The following PDE1A variants were observed in gnomAD, a reference collection of about 807,000 sequenced individuals.
PDE1A encodes phosphodiesterase 1A.
In PDE1A, 35 loss-of-function variants were observed where a neutral mutation model predicts 61.7. That is an observed-to-expected ratio of 0.57 (90% confidence interval 0.43 to 0.75). The LOEUF (loss-of-function observed/expected upper bound fraction) is 0.75, where lower values mean the gene tolerates loss of function less well. Among genes scored for constraint, PDE1A ranks in the 30% least tolerant of loss-of-function variants. The pLI is 0.00. For missense variants in PDE1A, 597 were observed against 630.6 expected, an observed-to-expected ratio of 0.95 and a Z score of 0.57; for synonymous variants, 232 against 213.2, an observed-to-expected ratio of 1.09 and a Z score of -0.77.
intron 7 of PDE1A, among the ~76,000 whole-genome samples, chr2:182,215,968 G>A (rs1688142695): frequency 8.6e-6 from 1 of 116,908 alleles, no homozygotes; most frequent in South Asian, 3.1e-4. Flanking sequence ...AACAAAAAAA[G>A]AGAATTTTAG....
At chr2:182,665,400 T>C in the PDE1A span, among the ~76,000 whole-genome samples, 1 of 152,154 alleles carries the variant, frequency 6.6e-6, no homozygotes, top group East Asian at 1.9e-4. Flanking sequence ...CATCAAAAAG[T>C]GGACAAAGGA....
chr2:182,358,148 G>A (rs1337599850), intron 1 of PDE1A, among the ~76,000 whole-genome samples: 3 of 152,120 alleles, frequency 2.0e-5, no homozygotes, highest in African/African-American at 4.8e-5. Flanking sequence ...GGACGAATCC[G>A]ATGATACCAC....
At chr2:182,221,704 C>T (rs1226559114) in intron 7 of PDE1A, among the ~76,000 whole-genome samples, 1 of 151,984 alleles carries the variant, frequency 6.6e-6, no homozygotes. Flanking sequence ...AAGCCCACCC[C>T]ATTTCAGGCT....
the PDE1A span, among the ~76,000 whole-genome samples, chr2:182,585,315 T>C: frequency 6.6e-6 from 1 of 152,176 alleles, no homozygotes; most frequent in Non-Finnish European, 1.5e-5. Context: ...TTTTATGAAG[T>C]GTATTTTGGG....
chr2:182,357,424 T>C (rs931423200), intron 1 of PDE1A, among the ~76,000 whole-genome samples: 2 of 152,060 alleles, frequency 1.3e-5, no homozygotes, highest in Non-Finnish European at 2.9e-5. Flanking sequence ...GTCTTCCTAA[T>C]GTATAGGGAA....
chr2:182,238,540 A>C (rs901748122), intron 3 of PDE1A, among the ~76,000 whole-genome samples: 2 of 152,168 alleles, frequency 1.3e-5, no homozygotes, highest in Admixed American at 1.3e-4. Flanking sequence ...GAAGCGTTTA[A>C]AGGAAGAAGC....
chr2:182,636,256 C>A, the PDE1A span, among the ~76,000 whole-genome samples: 1 of 152,082 alleles, frequency 6.6e-6, no homozygotes. Context: ...TTGAGCCCGG[C>A]CTCACCTGTA....
At chr2:182,373,285 G>A (rs1410734110) in intron 1 of PDE1A, among the ~76,000 whole-genome samples, 1 of 152,180 alleles carries the variant, frequency 6.6e-6, no homozygotes, top group Non-Finnish European at 1.5e-5. Flanking sequence ...GTACTGTCAG[G>A]AGAACAACTT....
intron 1 of PDE1A, among the ~76,000 whole-genome samples, chr2:182,284,099 C>T (rs833140): frequency 0.73 from 110,540 of 151,912 alleles, 40,960 homozygotes; most frequent in African/African-American, 0.88. Context: ...AAGAATCAGT[C>T]TGGGAGAACA....
At chr2:182,270,244 G>A (rs1441730594) in intron 1 of PDE1A, among the ~76,000 whole-genome samples, 1 of 152,168 alleles carries the variant, frequency 6.6e-6, no homozygotes, top group African/African-American at 2.4e-5. Context: ...AGCAATTGCA[G>A]AAGACACATA....
the PDE1A span, among the ~76,000 whole-genome samples, chr2:182,685,811 A>G: frequency 6.6e-6 from 1 of 152,286 alleles, no homozygotes; most frequent in Admixed American, 6.5e-5. Context: ...TCCCCATCTT[A>G]TGTGTCCAAT....
At chr2:182,402,062 TAGAA>T (rs1274316744) in intron 1 of PDE1A, among the ~76,000 whole-genome samples, 1 of 152,138 alleles carries the variant, frequency 6.6e-6, no homozygotes, top group Non-Finnish European at 1.5e-5. Context: ...TGCTCATGAA[TAGAA>T]AGAATCAATA....
chr2:182,453,475 G>A (rs1018269917), intron 2 of PDE1A, among the ~76,000 whole-genome samples: 3 of 151,298 alleles, frequency 2.0e-5, no homozygotes, highest in Non-Finnish European at 4.4e-5. Flanking sequence ...TTTAACAGAC[G>A]AATTTGCAAT....
At chr2:182,645,276 G>GCCCAGC in the PDE1A span, among the ~76,000 whole-genome samples, 5 of 151,580 alleles carry the variant, frequency 3.3e-5, no homozygotes, top group East Asian at 1.9e-4. Context: ...GTGAGCCACC[G>GCCCAGC]CCTCTTCTGT....
intron 8 of PDE1A, 101 bp from the exon 9 acceptor site, chr2:182,201,890 T>C: frequency 1.4e-6 from 1 of 732,972 alleles, no homozygotes; most frequent in Non-Finnish European, 2.3e-6. Flanking sequence ...TAGTTCTTAA[T>C]GGATATGAAC....
chr2:182,170,147 TGGTTTTGAATTTGGGC>T (rs1692057460), intron 13 of PDE1A, among the ~76,000 whole-genome samples: 1 of 152,098 alleles, frequency 6.6e-6, no homozygotes, highest in Admixed American at 6.6e-5. Context: ...TACAGGTTAC[TGGTTTTGAATTTGGGC>T]AAAATAGATG....
intron 1 of PDE1A, among the ~76,000 whole-genome samples, chr2:182,308,298 A>T (rs1695734594): frequency 6.6e-6 from 1 of 152,144 alleles, no homozygotes; most frequent in Admixed American, 6.6e-5. Flanking sequence ...TAAGCAATAT[A>T]AGAGAAATTG....
At chr2:182,206,013 C>A (rs370366733) in exon 8 of PDE1A, 3 of 1,612,306 alleles carry the variant, frequency 1.9e-6, no homozygotes, top group African/African-American at 2.7e-5. Context: ...GCTGCACTCA[C>A]GTGGTGATTC....
At chr2:182,576,655 G>A in the PDE1A span, among the ~76,000 whole-genome samples, 1 of 152,144 alleles carries the variant, frequency 6.6e-6, no homozygotes, top group African/African-American at 2.4e-5. Context: ...GTTTTCCACA[G>A]TGGCTACACC....
Sources: allele counts gnomAD v4.1 joint callset (sites outside exome capture counted in the v4.1 genomes callset), GRCh38; gene constraint gnomAD v4.1.1; transcripts MANE v1.5; gene names NCBI Gene and HGNC (gene_info 2026-07-23, HGNC 2026-07-21).